Variants in SLITRK2 observed in about 807,000 individuals in gnomAD.
SLITRK2 encodes the protein SLIT and NTRK like family member 2, also known as SLIT and NTRK-like protein 2.
Under a neutral mutation model 35.4 loss-of-function variants are expected in SLITRK2, and 13 were observed. The observed-to-expected ratio is 0.37, with a 90% confidence interval of 0.24 to 0.58. The LOEUF (loss-of-function observed/expected upper bound fraction) is 0.58. Among genes scored for constraint, SLITRK2 ranks in the 20% least tolerant of loss-of-function variants. The pLI is 0.75. For missense variants in SLITRK2, 471 were observed against 634.3 expected (o/e 0.74, Z 2.76); for synonymous variants, 294 against 264.7 (o/e 1.11, Z -1.07).
At chrX:145,822,197 G>C (rs1361585370) in intron 4 of SLITRK2, 44 bp downstream of exon 4, 1 of 371,790 alleles carries the variant, frequency 2.7e-6, no homozygotes, top group Non-Finnish European at 4.6e-6. Context: ...GGGTGGCCTC[G>C]GGATGGGGGA....
chrX:145,828,869 A>C lies in SLITRK2; in HGVS notation c.*3906A>C, dbSNP rs2073149238. 8.1e-6 allele frequency: 1 copy of C among 123,600 alleles called. No individual in the cohort carries two copies. Among genetic ancestry groups the C allele is most frequent in the Admixed American group, 9.4e-5 (1 of 10,609 alleles). The allele number at this position is 123,600 out of a possible 1,213,427, so 10.2% of individuals were successfully genotyped here. A position where few individuals can be genotyped will look rare whatever the true frequency, so the allele number is the denominator to read the frequency against. ...TTAAACACCAAAATAAGATATAATA[A>C]AACATTTGTTTTTGCAAAATAAGGC... On this transcript the variant is annotated 3_prime_UTR_variant, in exon 5 of 5. Coordinates refer to ENST00000335565, the MANE Select transcript of SLITRK2 (RefSeq NM_032539.5).
rs782377976 is a variant in SLITRK2, at chrX:145,823,336, C to A, written c.911C>A (p.Pro304Gln). The A allele has an allele frequency of 8.3e-7, 1 of 1,211,152 alleles. No individual in the cohort carries two copies. Among genetic ancestry groups the A allele is most frequent in the Non-Finnish European group, 1.1e-6 (1 of 895,153 alleles). Residue 304 changes from proline to glutamine, a missense_variant, in exon 5 of 5, where the codon CCG becomes CAG. Coordinates refer to ENST00000335565, the MANE Select transcript of SLITRK2 (RefSeq NM_032539.5). ...NPTRAPKASR[P>Q]PKMRNRPTPR... ...ACCAGGGCTCCGAAAGCCAGCCGGCCGCCCAAAATGAGAAATCGTCCAACT... is the reference window on the plus strand; with the variant it reads ...ACCAGGGCTCCGAAAGCCAGCCGGCAGCCCAAAATGAGAAATCGTCCAACT...
Position 145,823,502 on chromosome X carries a change from C to T in SLITRK2, c.1077C>T (p.Cys359=), listed in dbSNP as rs1556944379. ...QSSDNGLNVN[C]QERKFTNISD... ...CAGACAATGGTCTGAATGTAAACTG[C>T]CAAGAAAGGAAGTTCACTAATATCT... The change falls in exon 5 of 5, where the codon TGC becomes TGT. Residue 359 remains cysteine, a synonymous_variant. Coordinates refer to ENST00000335565, the MANE Select transcript of SLITRK2 (RefSeq NM_032539.5). 8.3e-7 allele frequency: 1 copy of T among 1,211,679 alleles called. No homozygotes were observed. The highest frequency in any genetic ancestry group is 1.1e-6 in the Non-Finnish European group (1 of 895,491).
At position 145,823,094 on chromosome X, in the gene SLITRK2, C is replaced by T. The variant is rs782624408; in HGVS notation, c.669C>T (p.Asp223=). The T allele has an allele frequency of 1.7e-6, 2 of 1,211,056 alleles. No individual in the cohort carries two copies. Among genetic ancestry groups the T allele is most frequent in the Non-Finnish European group, 2.2e-6 (2 of 895,067 alleles). Residue 223 remains aspartate, a synonymous_variant, in exon 5 of 5, where the codon GAC becomes GAT. Coordinates refer to ENST00000335565, the MANE Select transcript of SLITRK2 (RefSeq NM_032539.5). ...LEENPWNCTC[D]LLPLKAWLDT... is the part of the protein sequence containing the mutation. Reference sequence around the variant, plus strand: ...AAAATCCATGGAATTGCACTTGTGACTTACTTCCTCTCAAGGCCTGGCTAG... The same window carrying T: ...AAAATCCATGGAATTGCACTTGTGATTTACTTCCTCTCAAGGCCTGGCTAG...
rs2124208565 is a variant in SLITRK2, at chrX:145,824,649, C to A, written c.2224C>A (p.Leu742Met). 8.3e-7 allele frequency: 1 copy of A among 1,211,497 alleles called. No homozygotes were observed. Among genetic ancestry groups the A allele is most frequent in the East Asian group, 3.0e-5 (1 of 33,809 alleles). ...TPAYTISATELLEKQATPREP... is the reference protein window; with the variant it reads ...TPAYTISATEMLEKQATPREP... ...TGCTTACACAATAAGTGCCACTGAGCTGCTAGAAAAGCAGGCCACACCAAG... is the reference window on the plus strand; with the variant it reads ...TGCTTACACAATAAGTGCCACTGAGATGCTAGAAAAGCAGGCCACACCAAG... The change falls in exon 5 of 5, where the codon CTG (leucine) becomes ATG (methionine). Residue 742 changes from leucine to methionine, a missense_variant. Transcript: ENST00000335565.
chrX:145,821,984 C>CT (rs59008836), intron 3 of SLITRK2, 21 bp from the exon 4 acceptor site: 4,874 of 103,372 alleles, frequency 0.047, 211 homozygotes, highest in African/African-American at 0.12. Flanking sequence ...CCTTTTTGCG[C>CT]TTTTTTTTTT....
Position 145,828,086 on chromosome X carries a change from GT to G in SLITRK2, c.*3128del. On this transcript the variant is annotated 3_prime_UTR_variant, in exon 5 of 5. Coordinates refer to ENST00000335565, the MANE Select transcript of SLITRK2 (RefSeq NM_032539.5). ...TATTTCCGAATATACCTGTGGCTAA[GT>G]TTTTATTGAAACACTCAAAAATACC... 1.1e-6 allele frequency: 1 copy of G among 943,781 alleles called. No homozygotes were observed. Among genetic ancestry groups the G allele is most frequent in the Non-Finnish European group, 1.4e-6 (1 of 701,322 alleles). The allele number at this position is 943,781 out of a possible 1,213,427, so 77.8% of individuals were successfully genotyped here.
In SLITRK2 at chrX:145,824,542, G is replaced by A. The variant is rs368775326; in HGVS notation, c.2117G>A (p.Gly706Glu). The change falls in exon 5 of 5, where the codon GGA becomes GAA. Residue 706 changes from glycine to glutamate, a missense_variant. Physicochemically the swap from Gly to Glu is moderately conservative, Grantham distance 98. Transcript: ENST00000335565. ...CQNPIYMQKE[G>E]DPVAYYRNLQ... Reference sequence around the variant, plus strand: ...AACCCCATCTACATGCAGAAGGAAGGAGACCCAGTAGCCTATTACCGAAAC... The same window carrying A: ...AACCCCATCTACATGCAGAAGGAAGAAGACCCAGTAGCCTATTACCGAAAC... 3.3e-6 allele frequency: 4 copies of A among 1,208,417 alleles called. No homozygotes were observed. In the African/African-American group the frequency reaches 7.1e-5, roughly 21 times the overall value.
rs2124206497 is a variant in SLITRK2 at position 145,824,581 on chromosome X, G to C, written c.2156G>C (p.Ser719Thr). 8.3e-7 allele frequency: 1 copy of C among 1,210,692 alleles called. No individual in the cohort carries two copies. The stretch of plus-strand genomic sequence containing the variant: ...TATTACCGAAACCTGCAAGAGTTCA[G>C]CTATAGCAACCTGGAGGAGAAAAAA... The part of the protein sequence containing the change: ...VAYYRNLQEF[S>T]YSNLEEKKEE... Residue 719 changes from serine (S) to threonine (T), a missense_variant, in exon 5 of 5, where the codon AGC becomes ACC. Transcript: ENST00000335565.
At position 145,822,068 on chromosome X, in the gene SLITRK2, C is replaced by T; in HGVS notation, c.-129C>T. 1.1e-5 allele frequency: 2 copies of T among 179,525 alleles called. No homozygotes were observed. The highest frequency in any genetic ancestry group is 2.0e-5 in the Non-Finnish European group (2 of 98,368). The allele number at this position is 179,525 out of a possible 1,213,427, so 14.8% of individuals were successfully genotyped here. A position where few individuals can be genotyped will look rare whatever the true frequency, so the allele number is the denominator to read the frequency against. ...TGCCCGAGATCTCTTCGAGATACCC[C>T]AGGGGAGGAGGAGATGGGCAGGATT... is the stretch of plus-strand genomic sequence containing the variant. On this transcript the variant is annotated 5_prime_UTR_variant, in exon 4 of 5. Transcript: ENST00000335565.
In SLITRK2 at chrX:145,828,133, T is replaced by A. The variant is rs1234883587; in HGVS notation, c.*3170T>A. ...ATACCACTTCTCAGTATGAACACAA[T>A]TGCTAAGAGCCTAATTTGGTTCTGG... is the stretch of plus-strand genomic sequence containing the variant. On this transcript the variant is annotated 3_prime_UTR_variant, in exon 5 of 5. Coordinates refer to ENST00000335565, the MANE Select transcript of SLITRK2 (RefSeq NM_032539.5). The A allele has an allele frequency of 4.5e-6, 3 of 662,404 alleles. No individual in the cohort carries two copies. The African/African-American group carries it at 6.8e-5, about 15-fold the overall frequency. The allele number at this position is 662,404 out of a possible 1,213,427, so 54.6% of individuals were successfully genotyped here.
Position 145,824,362 on chromosome X carries a change from G to A in SLITRK2, c.1937G>A (p.Arg646His), listed in dbSNP as rs2073080883. Residue 646 changes from arginine to histidine, a missense_variant, in exon 5 of 5, where the codon CGC becomes CAC. This residue lies in a region of SLITRK2 where 190 missense variants were observed against 199.3 expected (regional missense o/e 0.95). Transcript: ENST00000335565. ...GAGLFVFVLK[R>H]RKGVPSVPRN... The stretch of plus-strand genomic sequence containing the variant: ...GGTTTATTCGTCTTTGTCTTGAAAC[G>A]CCGAAAGGGAGTGCCGAGCGTTCCC... 1.7e-6 allele frequency: 2 copies of A among 1,210,937 alleles called. No individual in the cohort carries two copies. Among genetic ancestry groups the A allele is most frequent in the Non-Finnish European group, 1.1e-6 (1 of 895,308 alleles).
Position 145,825,964 on chromosome X carries a change from T to G in SLITRK2, c.*1001T>G, listed in dbSNP as rs1428862307. 1.7e-5 allele frequency: 2 copies of G among 115,385 alleles called. No homozygotes were observed. Among genetic ancestry groups the G allele is most frequent in the African/African-American group, 6.5e-5 (2 of 30,863 alleles). 9.5% of individuals were successfully genotyped at this position (115,385 alleles called of 1,213,427 possible). A position where few individuals can be genotyped will look rare whatever the true frequency, so the allele number is the denominator to read the frequency against. On this transcript the variant is annotated 3_prime_UTR_variant, in exon 5 of 5. Coordinates refer to ENST00000335565, the MANE Select transcript of SLITRK2 (RefSeq NM_032539.5). ...TGACACAGCTAGTAATATATTTTTC[T>G]GCATTGAATTAGATATTTTTATATA...
Position 145,823,370 on chromosome X carries a change from G to T in SLITRK2, c.945G>T (p.Val315=). ...PKMRNRPTPR[V]TVSKDRQSFG... is the part of the protein sequence containing the mutation. Reference sequence around the variant, plus strand: ...TGAGAAATCGTCCAACTCCTCGAGTGACTGTGTCAAAGGACAGGCAAAGTT... The same window carrying T: ...TGAGAAATCGTCCAACTCCTCGAGTTACTGTGTCAAAGGACAGGCAAAGTT... The change falls in exon 5 of 5, where the codon GTG becomes GTT. Residue 315 remains valine (V), a synonymous_variant. Transcript: ENST00000335565. 8.3e-7 allele frequency: 1 copy of T among 1,211,785 alleles called. No individual in the cohort carries two copies.
In SLITRK2 at chrX:145,821,450, C is replaced by G. The variant is rs920398612; in HGVS notation, c.-627C>G. The G allele has an allele frequency of 1.8e-5, 2 of 110,673 alleles. No homozygotes were observed. The highest frequency in any genetic ancestry group is 3.8e-5 in the Non-Finnish European group (2 of 52,894). 9.1% of individuals were successfully genotyped at this position (110,673 alleles called of 1,213,427 possible). On this transcript the variant is annotated 5_prime_UTR_variant, in exon 3 of 5. Transcript: ENST00000335565. ...GCATCTGCCCAACCCTCCCCCACCG[C>G]GCGCCCTGGATCCTCTGCCTGCCCC... is the stretch of plus-strand genomic sequence containing the variant.
At position 145,823,688 on chromosome X, in the gene SLITRK2, C is replaced by T. The variant is rs1556944456; in HGVS notation, c.1263C>T (p.Asn421=). Residue 421 remains asparagine, a synonymous_variant, in exon 5 of 5, where the codon AAC becomes AAT. Coordinates refer to ENST00000335565, the MANE Select transcript of SLITRK2 (RefSeq NM_032539.5). ...IAVIQEGAFT[N]LTSLRRLYLN... is the part of the protein sequence containing the mutation. The stretch of plus-strand genomic sequence containing the variant: ...TCATTCAGGAAGGTGCCTTTACAAA[C>T]CTGACCAGTTTACGCAGACTTTATC... 1.1e-5 allele frequency: 13 copies of T among 1,209,819 alleles called. No individual in the cohort carries two copies. In the Admixed American group the frequency reaches 1.1e-4, roughly 10 times the overall value.
chrX:145,827,634 A>G lies in SLITRK2; in HGVS notation c.*2671A>G, dbSNP rs375803557. 1.3e-4 allele frequency: 128 copies of G among 993,380 alleles called. No individual in the cohort carries two copies. Among genetic ancestry groups the G allele is most frequent in the Non-Finnish European group, 1.2e-4 (86 of 745,122 alleles). 81.9% of individuals were successfully genotyped at this position (993,380 alleles called of 1,213,427 possible). ...AATTCTATATCCTCTTGCTTGTTAC[A>G]GTTATACTTAATTTGCAGTAGATTT... On this transcript the variant is annotated 3_prime_UTR_variant, in exon 5 of 5. Coordinates refer to ENST00000335565, the MANE Select transcript of SLITRK2 (RefSeq NM_032539.5).
intron 2 of SLITRK2, 72 bp from the exon 3 acceptor site, chrX:145,821,276 G>A (rs2073010542): frequency 9.2e-6 from 1 of 108,865 alleles, no homozygotes; most frequent in Non-Finnish European, 1.9e-5. Context: ...GGGGCCCAAG[G>A]AGGTGCCAGG....
At position 145,822,849 on chromosome X, in the gene SLITRK2, G is replaced by A. The variant is rs1556943947; in HGVS notation, c.424G>A (p.Asp142Asn). Residue 142 changes from aspartate to asparagine, a missense_variant, in exon 5 of 5, where the codon GAC (aspartate) becomes AAC (asparagine). This residue lies in a region of SLITRK2 where 98 missense variants were observed against 120.6 expected (regional missense o/e 0.81). Transcript: ENST00000335565. ...GLESLEYLQA[D>N]YNYISAIEAG... is the part of the protein sequence containing the mutation. ...GGAGAGCCTGGAGTATCTCCAGGCC[G>A]ACTACAATTACATCAGTGCCATCGA... The A allele has an allele frequency of 1.7e-6, 2 of 1,210,625 alleles. No homozygotes were observed. Among genetic ancestry groups the A allele is most frequent in the Non-Finnish European group, 1.1e-6 (1 of 894,964 alleles).
Sources: allele counts gnomAD v4.1 joint callset, GRCh38; gene constraint gnomAD v4.1.1; regional missense constraint gnomAD v4.1.1; transcripts MANE v1.5; gene names NCBI Gene and HGNC (gene_info 2026-07-23, HGNC 2026-07-21).